Variants in CYP4F22 observed in about 807,000 individuals in gnomAD.
CYP4F22 encodes the protein ultra-long-chain fatty acid omega-hydroxylase.
CYP4F22 carries 37 observed loss-of-function variants against 60.4 expected under a neutral mutation model. The ratio of observed to expected loss-of-function variants is 0.61; its 90% CI spans 0.47 to 0.81. The LOEUF (loss-of-function observed/expected upper bound fraction) is 0.81, where lower values mean the gene tolerates loss of function less well. Ranked by LOEUF, CYP4F22 falls within the 30% of genes least tolerant of loss-of-function variation. CYP4F22 has a pLI of 0.00. For synonymous variants in CYP4F22, 258 were observed against 280.5 expected, an observed-to-expected ratio of 0.92 and a Z score of 0.80; for missense variants, 655 against 715.0, an observed-to-expected ratio of 0.92 and a Z score of 0.96.
chr19:15,548,216 C>T lies in CYP4F22; in HGVS notation c.1245C>T (p.Leu415=). ...VSRQCTEDIK[L]PDGRIIPKGI... ...GCCAATGCACGGAGGACATCAAGCT[C>T]CCAGATGGGCGCATCATCCCCAAAG... Residue 415 remains leucine, a synonymous_variant, in exon 11 of 14, where the codon CTC becomes CTT. Coordinates refer to ENST00000269703, the MANE Select transcript of CYP4F22 (RefSeq NM_173483.4). 1 of 1,614,138 alleles carries T rather than the reference C, an allele frequency of 6.2e-7. No homozygotes were observed.
At chr19:15,540,359 C>A in intron 7 of CYP4F22, 91 bp from the exon 8 acceptor site, 1 of 1,487,692 alleles carries the variant, frequency 6.7e-7, no homozygotes, top group Non-Finnish European at 9.3e-7. Flanking sequence ...GTTATCTATT[C>A]AATGGGGACA....
At chr19:15,512,433 G>A (rs948847469) in intron 1 of CYP4F22, among the ~76,000 whole-genome samples, 19 of 152,058 alleles carry the variant, frequency 1.2e-4, no homozygotes, top group Non-Finnish European at 1.6e-4. Flanking sequence ...AGCCTCCCAA[G>A]TAGCTGGGGC....
chr19:15,537,826 C>T (rs766540379), intron 6 of CYP4F22, 46 bp from the exon 7 acceptor site: 42 of 1,612,370 alleles, frequency 2.6e-5, no homozygotes, highest in Non-Finnish European at 3.4e-5. Context: ...AGGCTGACTC[C>T]CTCTCTGTGG....
rs562394266 is a variant in CYP4F22 at position 15,518,782 on chromosome 19, G to T, written c.-108-4911G>T. Among the ~76,000 whole-genome samples, 11 of 151,906 alleles carry T rather than the reference G, an allele frequency of 7.2e-5. No individual in the cohort carries two copies. In the East Asian group the frequency reaches 1.7e-3, roughly 24 times the overall value. ...CATGGGAGAATTTTGAGCAGGGAAG[G>T]TTCATGATCTGATTTAATTTGAGGA... is the stretch of plus-strand genomic sequence containing the variant. On this transcript the variant is annotated intron_variant, in intron 1 of 13. Coordinates refer to ENST00000269703, the MANE Select transcript of CYP4F22 (RefSeq NM_173483.4).
intron 13 of CYP4F22, among the ~76,000 whole-genome samples, chr19:15,551,013 C>G (rs1397287031): frequency 6.6e-6 from 1 of 152,106 alleles, no homozygotes; most frequent in Non-Finnish European, 1.5e-5. Context: ...ATGCCTTTGT[C>G]CCCGTTTTTA....
intron 1 of CYP4F22, among the ~76,000 whole-genome samples, chr19:15,511,280 AT>A (rs968673612): frequency 4.0e-5 from 6 of 151,232 alleles, no homozygotes; most frequent in African/African-American, 7.3e-5. Flanking sequence ...CACTATATTA[AT>A]TTTTTTTAAC....
At position 15,537,901 on chromosome 19, in the gene CYP4F22, A is replaced by G; in HGVS notation, c.579A>G (p.Ser193=). Residue 193 remains serine (S), a synonymous_variant, in exon 7 of 14, where the codon TCA becomes TCG. Coordinates refer to ENST00000269703, the MANE Select transcript of CYP4F22 (RefSeq NM_173483.4). ...AATGGCGGCATCTGGCAGAGGGCTC[A>G]GCGGTCTCCCTTGATATGTTTGAGC... ...HAKWRHLAEG[S]AVSLDMFEHI... 6.2e-7 allele frequency: 1 copy of G among 1,614,134 alleles called. No individual in the cohort carries two copies. Among genetic ancestry groups the G allele is most frequent in the Non-Finnish European group, 8.5e-7 (1 of 1,180,040 alleles).
At position 15,551,443 on chromosome 19, in the gene CYP4F22, A is replaced by AGGT. The variant is rs1472278860; in HGVS notation, c.1571_1573dup (p.Val524dup). 1 of 1,575,186 alleles carries AGGT rather than the reference A, an allele frequency of 6.3e-7. No homozygotes were observed. Among genetic ancestry groups the AGGT allele is most frequent in the Non-Finnish European group, 8.6e-7 (1 of 1,161,046 alleles). On this transcript the variant is annotated inframe_insertion, in exon 14 of 14. Coordinates refer to ENST00000269703, the MANE Select transcript of CYP4F22 (RefSeq NM_173483.4). ...CGCACGGAGAACGGGCTCTGGCTCA[A>AGGT]GGTGGAGCCGCTGCCTCCGCGGGCC...
rs541095406 is a variant in CYP4F22, at chr19:15,545,145, C to T, written c.1136+866C>T. On this transcript the variant is annotated intron_variant, in intron 10 of 13. Coordinates refer to ENST00000269703, the MANE Select transcript of CYP4F22 (RefSeq NM_173483.4). ...AAGCTGTGCTTGCACTAGAAGATTG[C>T]ATTGGCTAAAACAAGTCACGTGACC... Among the ~76,000 whole-genome samples the T allele has an allele frequency of 9.1e-4, 137 of 150,450 alleles. 1 individual carries two copies. The highest frequency in any genetic ancestry group is 3.2e-3 in the African/African-American group (132 of 40,952).
rs1199243515 is a variant in CYP4F22 at position 15,537,883 on chromosome 19, G to T, written c.561G>T (p.Arg187=). ...QSADIMHAKW[R]HLAEGSAVSL... ...TATCTCTCTTCCAGGCTAAATGGCG[G>T]CATCTGGCAGAGGGCTCAGCGGTCT... Residue 187 remains arginine, a synonymous_variant, in exon 7 of 14, where the codon CGG becomes CGT. Coordinates refer to ENST00000269703, the MANE Select transcript of CYP4F22 (RefSeq NM_173483.4). The T allele has an allele frequency of 6.2e-7, 1 of 1,613,954 alleles. No individual in the cohort carries two copies. Among genetic ancestry groups the T allele is most frequent in the Non-Finnish European group, 8.5e-7 (1 of 1,180,028 alleles).
intron 4 of CYP4F22, among the ~76,000 whole-genome samples, chr19:15,531,588 G>C (rs746683782): frequency 6.6e-6 from 1 of 152,118 alleles, no homozygotes; most frequent in African/African-American, 2.4e-5. Flanking sequence ...GACGATCCCT[G>C]TTGAACTAAG....
chr19:15,540,334 A>G (rs1192490015), intron 7 of CYP4F22, 116 bp from the exon 8 acceptor site: 3 of 1,248,482 alleles, frequency 2.4e-6, no homozygotes, highest in Middle Eastern at 2.4e-4. Flanking sequence ...TAGAGTTAAT[A>G]TAGGGCTTCT....
chr19:15,547,303 C>T (rs147249950), intron 10 of CYP4F22, among the ~76,000 whole-genome samples: 77 of 151,898 alleles, frequency 5.1e-4, no homozygotes, highest in African/African-American at 1.8e-3. Flanking sequence ...GGATTACAGG[C>T]GAGAGCCACC....
Position 15,537,539 on chromosome 19 carries a change from TG to T in CYP4F22, c.429del (p.Leu144CysfsTer16). 6.2e-7 allele frequency: 1 copy of T among 1,614,156 alleles called. No homozygotes were observed. The highest frequency in any genetic ancestry group is 8.5e-7 in the Non-Finnish European group (1 of 1,180,038). ...ACCTCAGTCTTCTGGGCCCAGGGGA[TG>T]GGCTGCTGCTCAGCAAAGGTGACAA... ...YGFLKPWLGD[G>X]LLLSKGDKWS... On this transcript the variant is annotated frameshift_variant, in exon 6 of 14. Coordinates refer to ENST00000269703, the MANE Select transcript of CYP4F22 (RefSeq NM_173483.4). LOFTEE classifies it high-confidence loss of function.
intron 2 of CYP4F22, 134 bp downstream of exon 2, chr19:15,523,933 A>G (rs1381446086): frequency 6.6e-6 from 1 of 152,050 alleles, no homozygotes; most frequent in African/African-American, 2.4e-5. Flanking sequence ...GGTGGCATGC[A>G]CCTGTAGTCC....
intron 1 of CYP4F22, among the ~76,000 whole-genome samples, chr19:15,519,325 C>T (rs1031595615): frequency 1.3e-5 from 2 of 150,550 alleles, no homozygotes; most frequent in African/African-American, 2.4e-5. Context: ...TGCAATGATG[C>T]GACCTCAGCT....
intron 7 of CYP4F22, 59 bp downstream of exon 7, chr19:15,538,052 A>G: frequency 1.9e-6 from 3 of 1,610,206 alleles, no homozygotes; most frequent in Non-Finnish European, 2.5e-6. Context: ...AGATGGTGGC[A>G]GGAGAAAGGG....
rs188505842 is a variant in CYP4F22 at position 15,529,519 on chromosome 19, G to A, written c.223-190G>A. On this transcript the variant is annotated intron_variant, in intron 3 of 13. Transcript: ENST00000269703. ...TCATGAATCCTTTCTACTGCCCTCA[G>A]AGGGAGAGTTGATTCTCCTCCATTT... is the stretch of plus-strand genomic sequence containing the variant. Among the ~76,000 whole-genome samples, 621 of 152,266 alleles carry A rather than the reference G, an allele frequency of 4.1e-3. 4 individuals carry two copies. Among genetic ancestry groups the A allele is most frequent in the Admixed American group, 0.014 (208 of 15,282 alleles).
intron 3 of CYP4F22, 102 bp from the exon 4 acceptor site, chr19:15,529,607 A>G: frequency 6.7e-7 from 1 of 1,493,222 alleles, no homozygotes; most frequent in Non-Finnish European, 9.2e-7. Context: ...ATAATGTAGC[A>G]CTATTGGGCT....
Sources: gnomAD v4.1 joint callset for allele counts (sites outside exome capture counted in the v4.1 genomes callset) on GRCh38, gnomAD v4.1.1 for gene constraint, MANE v1.5 for transcripts, NCBI Gene and HGNC (gene_info 2026-07-23, HGNC 2026-07-21) for gene names.